The following GUCY1A2 variants were observed in gnomAD, a reference collection of about 807,000 sequenced individuals.
GUCY1A2 encodes the protein guanylate cyclase 1 soluble subunit alpha 2, also known as guanylate cyclase soluble subunit alpha-2.
GUCY1A2 carries 27 observed loss-of-function variants against 63.5 expected under a neutral mutation model. That is an observed-to-expected ratio of 0.43 (90% CI 0.31 to 0.59). GUCY1A2 has a LOEUF of 0.59. Among genes scored for constraint, GUCY1A2 ranks in the 20% least tolerant of loss-of-function variants. GUCY1A2 has a pLI of 0.11. For synonymous variants in GUCY1A2, 364 were observed against 343.5 expected (o/e 1.06, Z -0.66); for missense variants, 768 against 913.3 (o/e 0.84, Z 2.05).
At chr11:106,827,825 GC>G (rs1185314826) in intron 4 of GUCY1A2, 2 of 1,598,892 alleles carry the variant, frequency 1.3e-6, no homozygotes, top group Non-Finnish European at 1.7e-6. Context: ...CACAAGTGAC[GC>G]CCGCGATGCC....
intron 4 of GUCY1A2, 132 bp downstream of exon 4, chr11:106,939,328 G>GA: frequency 1.6e-6 from 1 of 620,482 alleles, no homozygotes. Context: ...TACATCCAGG[G>GA]ACCAGTAATC....
intron 6 of GUCY1A2, among the ~76,000 whole-genome samples, chr11:106,763,273 C>T (rs1864097884): frequency 6.6e-6 from 1 of 151,796 alleles, no homozygotes; most frequent in Admixed American, 6.6e-5. Flanking sequence ...TTAGGTAATT[C>T]ATGGAAAATT....
At chr11:106,716,049 G>A (rs1863207404) in intron 6 of GUCY1A2, among the ~76,000 whole-genome samples, 1 of 152,176 alleles carries the variant, frequency 6.6e-6, no homozygotes, top group Non-Finnish European at 1.5e-5. Flanking sequence ...GAATGATGCA[G>A]CTGTAGTCAG....
At chr11:106,969,166 G>A (rs1415018566) in intron 3 of GUCY1A2, among the ~76,000 whole-genome samples, 1 of 152,106 alleles carries the variant, frequency 6.6e-6, no homozygotes, top group Non-Finnish European at 1.5e-5. Flanking sequence ...CATCTTTATT[G>A]TGACACATAA....
chr11:106,922,662 CATATATATATATATATATATATAT>C lies in GUCY1A2; in HGVS notation c.1206+16774_1206+16797del, dbSNP rs6144495. On this transcript the variant is annotated intron_variant, in intron 4 of 7. Transcript: ENST00000526355. ...TGGTAATTCAGTGCTTTGTTAACTA[CATATATATATATATATATATATAT>C]ATATATATATATATATATATATATA... Among the ~76,000 whole-genome samples the C allele has an allele frequency of 1.1e-3, 143 of 124,802 alleles. 2 individuals are homozygous for C. Among genetic ancestry groups the C allele is most frequent in the African/African-American group, 2.2e-3 (70 of 31,116 alleles). 81.9% of individuals were successfully genotyped at this position (124,802 alleles called of 152,430 possible). A position where few individuals can be genotyped will look rare whatever the true frequency, so the allele number is the denominator to read the frequency against.
At chr11:106,980,859 G>A (rs1276157897) in intron 2 of GUCY1A2, among the ~76,000 whole-genome samples, 1 of 101,416 alleles carries the variant, frequency 9.9e-6, no homozygotes, top group Non-Finnish European at 2.0e-5. Context: ...AGGGAGCACA[G>A]ATGTTAAACA....
intron 6 of GUCY1A2, among the ~76,000 whole-genome samples, chr11:106,759,315 G>A (rs1864025868): frequency 6.6e-6 from 1 of 152,122 alleles, no homozygotes; most frequent in Non-Finnish European, 1.5e-5. Flanking sequence ...CACCAGTAAT[G>A]TCCATCAATT....
rs754069004 is a variant in GUCY1A2, at chr11:106,810,095, G to A, written c.1590C>T (p.Phe530=). The change falls in exon 5 of 8, where the codon TTC becomes TTT. Residue 530 remains phenylalanine, a synonymous_variant. Transcript: ENST00000526355. ...VTMLFSDIVG[F]TAICAQCTPM... ...GAGTACACTGGGCACATATGGCTGT[G>A]AAGCCAACAATGTCTGAAAAGAGCA... 6.2e-7 allele frequency: 1 copy of A among 1,613,776 alleles called. No homozygotes were observed. The highest frequency in any genetic ancestry group is 8.5e-7 in the Non-Finnish European group (1 of 1,179,720).
chr11:106,937,199 T>G (rs1860691133), intron 4 of GUCY1A2, among the ~76,000 whole-genome samples: 2 of 152,176 alleles, frequency 1.3e-5, no homozygotes, highest in Admixed American at 1.3e-4. Context: ...TTATTTTAAC[T>G]AAAAATCCTG....
At chr11:106,904,941 G>A (rs12364559) in intron 4 of GUCY1A2, among the ~76,000 whole-genome samples, 5 of 151,988 alleles carry the variant, frequency 3.3e-5, no homozygotes, top group Admixed American at 6.6e-5. Context: ...TAAGCAACAC[G>A]ATTTTGCATT....
intron 1 of GUCY1A2, among the ~76,000 whole-genome samples, chr11:107,004,698 TAAAC>T (rs1242792799): frequency 6.6e-6 from 1 of 152,108 alleles, no homozygotes; most frequent in African/African-American, 2.4e-5. Context: ...ATGAAAAGAA[TAAAC>T]AAACAGTGAT....
rs1862368798 is a variant in GUCY1A2, at chr11:106,677,700, T to C, written c.*9849A>G. 1 of 210,312 alleles carries C rather than the reference T, an allele frequency of 4.8e-6. No individual in the cohort carries two copies. Among genetic ancestry groups the C allele is most frequent in the East Asian group, 7.1e-5 (1 of 14,106 alleles). The allele number at this position is 210,312 out of a possible 1,614,324, so 13.0% of individuals were successfully genotyped here. ...AAAATCTATTTATCCTTACCATCTA[T>C]TTTCAGCTTGCCTCTAGGTTAACAG... On this transcript the variant is annotated 3_prime_UTR_variant, in exon 8 of 8. Transcript: ENST00000526355.
intron 4 of GUCY1A2, among the ~76,000 whole-genome samples, chr11:106,835,987 A>G (rs1044374233): frequency 4.6e-5 from 7 of 152,036 alleles, no homozygotes; most frequent in Admixed American, 6.6e-5. Flanking sequence ...TGGAATAACT[A>G]TAATAACTGT....
At position 106,770,574 on chromosome 11, in the gene GUCY1A2, A is replaced by C. The variant is rs187733899; in HGVS notation, c.1836+5865T>G. Reference sequence around the variant, plus strand: ...ACATCAGGTTTCCTCTGGAAATAGCAAAAACTATTTAAAAATTAAAAATTA... The same window carrying C: ...ACATCAGGTTTCCTCTGGAAATAGCCAAAACTATTTAAAAATTAAAAATTA... On this transcript the variant is annotated intron_variant, in intron 6 of 7. Transcript: ENST00000526355. 2.0e-3 allele frequency among the ~76,000 whole-genome samples: 308 copies of C among 152,242 alleles called. 2 individuals are homozygous for C. In the East Asian group the frequency reaches 0.031, roughly 15 times the overall value.
intron 6 of GUCY1A2, among the ~76,000 whole-genome samples, chr11:106,775,009 C>T (rs1864330564): frequency 1.3e-5 from 2 of 152,108 alleles, no homozygotes; most frequent in South Asian, 2.1e-4. Flanking sequence ...CTGAAAACAT[C>T]CCAGGTATGT....
chr11:106,933,965 GA>G (rs1045771654), intron 4 of GUCY1A2, among the ~76,000 whole-genome samples: 3 of 152,110 alleles, frequency 2.0e-5, no homozygotes, highest in African/African-American at 7.2e-5. Context: ...GGAAAGGGGG[GA>G]CAAGGGTTGA....
intron 3 of GUCY1A2, among the ~76,000 whole-genome samples, chr11:106,976,441 A>C (rs1393199779): frequency 6.6e-6 from 1 of 152,196 alleles, no homozygotes; most frequent in East Asian, 1.9e-4. Flanking sequence ...AAAAAGATAA[A>C]AATCTAAACA....
chr11:106,842,492 T>C (rs1246233165), intron 4 of GUCY1A2, among the ~76,000 whole-genome samples: 1 of 152,034 alleles, frequency 6.6e-6, no homozygotes, highest in Non-Finnish European at 1.5e-5. Context: ...ATTCCTATAT[T>C]TCTATAAGAC....
chr11:106,757,652 C>T (rs1863997414), intron 6 of GUCY1A2, among the ~76,000 whole-genome samples: 1 of 152,178 alleles, frequency 6.6e-6, no homozygotes, highest in Non-Finnish European at 1.5e-5. Context: ...CCACTCCAGA[C>T]CCTGTTTACC....
Sources: allele counts gnomAD v4.1 joint callset (sites outside exome capture counted in the v4.1 genomes callset), GRCh38; gene constraint gnomAD v4.1.1; transcripts MANE v1.5; gene names NCBI Gene and HGNC (gene_info 2026-07-23, HGNC 2026-07-21).